OLFM1: variants seen among roughly 807,000 people sequenced by gnomAD.
OLFM1 encodes noelin.
In OLFM1, 9 loss-of-function variants were observed where a neutral mutation model predicts 49.7. The observed-to-expected ratio is 0.18, with a 90% CI of 0.11 to 0.32. The LOEUF (loss-of-function observed/expected upper bound fraction) is 0.32. Among genes scored for constraint, OLFM1 ranks in the 10% least tolerant of loss-of-function variants. The pLI, the probability that OLFM1 is intolerant of heterozygous loss-of-function variation, is 1.00. For missense variants in OLFM1, 369 were observed against 661.8 expected (o/e 0.56, Z 4.85); for synonymous variants, 240 against 271.8 (o/e 0.88, Z 1.15).
At chr9:135,090,627 C>T (rs1830672886) in intron 2 of OLFM1, among the ~76,000 whole-genome samples, 1 of 152,062 alleles carries the variant, frequency 6.6e-6, no homozygotes, top group African/African-American at 2.4e-5. Flanking sequence ...GAAGAGAGGA[C>T]TAGACCTGCC....
Position 135,075,709 on chromosome 9 carries a change from GC to G in OLFM1, c.5del (p.Pro2GlnfsTer24), listed in dbSNP as rs1468184843. 1.3e-6 allele frequency: 2 copies of G among 1,597,342 alleles called. No individual in the cohort carries two copies. Among genetic ancestry groups the G allele is most frequent in the Non-Finnish European group, 8.5e-7 (1 of 1,175,514 alleles). On this transcript the variant is annotated frameshift_variant, in exon 1 of 6. Coordinates refer to the OLFM1 transcript ENST00000252854. LOFTEE classifies it high-confidence loss of function. ...CCGGCCAGCACCCAGGGCCCTGCAT[GC>G]CAGGTCGTTGGAGGTGGCAGCGAGA...
At chr9:135,108,671 T>C (rs1476648202) in intron 5 of OLFM1, among the ~76,000 whole-genome samples, 1 of 151,644 alleles carries the variant, frequency 6.6e-6, no homozygotes, top group Non-Finnish European at 1.5e-5. Context: ...GTGTGTCCTG[T>C]GTGCAGGTGC....
chr9:135,101,452 C>A (rs1830869044), intron 4 of OLFM1, among the ~76,000 whole-genome samples: 1 of 152,228 alleles, frequency 6.6e-6, no homozygotes, highest in African/African-American at 2.4e-5. Context: ...CCAGAACATA[C>A]TCAGAAACAG....
In OLFM1 at chr9:135,120,692, C is replaced by G; in HGVS notation, c.*514C>G. 5.9e-6 allele frequency: 1 copy of G among 168,888 alleles called. No homozygotes were observed. Among genetic ancestry groups the G allele is most frequent in the Non-Finnish European group, 1.3e-5 (1 of 78,354 alleles). The allele number at this position is 168,888 out of a possible 1,614,324, so 10.5% of individuals were successfully genotyped here. On this transcript the variant is annotated 3_prime_UTR_variant, in exon 6 of 6. Coordinates refer to ENST00000371793, the MANE Select transcript of OLFM1 (RefSeq NM_001282611.2). ...TTAACCGTGCTGAGGCTCCACATAG[C>G]TCCTGGACCTGTGTCTAGTACATAC...
intron 5 of OLFM1, among the ~76,000 whole-genome samples, chr9:135,111,909 G>C (rs188788330): frequency 9.7e-4 from 148 of 152,270 alleles, no homozygotes; most frequent in Non-Finnish European, 1.6e-3. Context: ...TAGAGACAGG[G>C]TTTCACCACA....
At chr9:135,078,745 C>G (rs1025556333) in intron 1 of OLFM1, among the ~76,000 whole-genome samples, 7 of 152,318 alleles carry the variant, frequency 4.6e-5, no homozygotes, top group African/African-American at 1.7e-4. Flanking sequence ...CACCGCCACA[C>G]CCCCCAGGCT....
chr9:135,093,781 C>T (rs993807075), intron 2 of OLFM1, among the ~76,000 whole-genome samples: 7 of 152,110 alleles, frequency 4.6e-5, no homozygotes, highest in East Asian at 1.9e-4. Flanking sequence ...GAGATGGGTG[C>T]GTGATTGCAG....
Position 135,098,282 on chromosome 9 carries a change from G to A in OLFM1, c.457-4G>A. 6.2e-7 allele frequency: 1 copy of A among 1,613,374 alleles called. No homozygotes were observed. The highest frequency in any genetic ancestry group is 8.5e-7 in the Non-Finnish European group (1 of 1,179,752). ...CACTGAACCAGCTTATTTTAACCTTGCAGGCGATAAAAGCGAAAATGGATG... is the reference window on the plus strand; with the variant it reads ...CACTGAACCAGCTTATTTTAACCTTACAGGCGATAAAAGCGAAAATGGATG... On this transcript the variant is annotated splice_polypyrimidine_tract_variant and splice_region_variant and intron_variant, in intron 3 of 5. Transcript: ENST00000371793. This position sits in a 1 kb window ranked among gnomAD's most constrained non-coding sequence, Gnocchi z 5.6.
chr9:135,086,497 C>G (rs971564447), upstream of OLFM1: 1 of 389,952 alleles, frequency 2.6e-6, no homozygotes, highest in African/African-American at 2.1e-5. Flanking sequence ...GCCCGGCGTC[C>G]GTCTTTCAAA....
At chr9:135,100,134 C>G (rs1830851325) in intron 4 of OLFM1, among the ~76,000 whole-genome samples, 2 of 152,176 alleles carry the variant, frequency 1.3e-5, no homozygotes, top group African/African-American at 2.4e-5. Flanking sequence ...AGTGTCTTCC[C>G]TCCCTGGAAT....
chr9:135,098,296 C>T lies in OLFM1; in HGVS notation c.467C>T (p.Ala156Val), dbSNP rs752852516. Residue 156 changes from alanine to valine, a missense_variant, in exon 4 of 6, where the codon GCG (alanine) becomes GTG (valine). Transcript: ENST00000371793. The surrounding 1 kb of genome is among the most constrained non-coding windows in gnomAD (Gnocchi z 5.6). ...ATTTTAACCTTGCAGGCGATAAAAGCGAAAATGGATGAACTTAGGCCTTTG... is the reference window on the plus strand; with the variant it reads ...ATTTTAACCTTGCAGGCGATAAAAGTGAAAATGGATGAACTTAGGCCTTTG... ...HLARQFKAIK[A>V]KMDELRPLIP... The T allele has an allele frequency of 5.6e-6, 9 of 1,613,430 alleles. No homozygotes were observed. Among genetic ancestry groups the T allele is most frequent in the Middle Eastern group, 1.6e-4 (1 of 6,084 alleles).
chr9:135,113,618 G>A lies in OLFM1; in HGVS notation c.784-5886G>A, dbSNP rs2119139546. Among the ~76,000 whole-genome samples the A allele has an allele frequency of 6.6e-6, 1 of 152,286 alleles. No homozygotes were observed. On this transcript the variant is annotated intron_variant, in intron 5 of 5. Coordinates refer to ENST00000371793, the MANE Select transcript of OLFM1 (RefSeq NM_001282611.2). The surrounding 1 kb of genome is among the most constrained non-coding windows in gnomAD (Gnocchi z 4.0). ...GCATTAACAGGAGTCCAGCCACGTG[G>A]ACACCCCTCACTCTGTGGGATCCAC...
chr9:135,099,481 TA>T (rs201785935), intron 4 of OLFM1, among the ~76,000 whole-genome samples: 1 of 151,520 alleles, frequency 6.6e-6, no homozygotes, highest in Non-Finnish European at 1.5e-5. Context: ...AAGAACACTT[TA>T]AAAAAAAACC....
At chr9:135,087,198 C>A, upstream of OLFM1, 1 of 1,392,598 alleles carries the variant, frequency 7.2e-7, no homozygotes, top group South Asian at 1.6e-5. Flanking sequence ...AGTCTGGCTG[C>A]TTTTCGGAGC....
In OLFM1 at chr9:135,097,494, T is replaced by C. The variant is rs530563692; in HGVS notation, c.457-792T>C. ...GGGAGGTAGCTCATCTTGGCAAACG[T>C]TGTTGACACAGGCATCTCTCCGAGT... On this transcript the variant is annotated intron_variant, in intron 3 of 5. Transcript: ENST00000371793. 2.0e-5 allele frequency among the ~76,000 whole-genome samples: 3 copies of C among 152,300 alleles called. No homozygotes were observed. The South Asian group carries it at 6.2e-4, about 32-fold the overall frequency.
upstream of OLFM1, chr9:135,087,124 C>G: frequency 2.0e-6 from 2 of 1,012,916 alleles, no homozygotes; most frequent in Non-Finnish European, 2.7e-6. Flanking sequence ...GCCCTGGGAT[C>G]GCAGGGGCGC....
At chr9:135,075,902 C>T in intron 1 of OLFM1, 1 of 1,421,554 alleles carries the variant, frequency 7.0e-7, no homozygotes, top group Non-Finnish European at 9.3e-7. Flanking sequence ...CGCGCCGCCC[C>T]GCGCCCCCGG....
chr9:135,090,290 G>A lies in OLFM1; in HGVS notation c.246G>A (p.Gln82=). 6.2e-7 allele frequency: 1 copy of A among 1,614,112 alleles called. No individual in the cohort carries two copies. Among genetic ancestry groups the A allele is most frequent in the Non-Finnish European group, 8.5e-7 (1 of 1,180,038 alleles). The part of the protein sequence containing the change: ...RCICTVVAPQ[Q]TMCSRDARTK... ...TCTGCACAGTGGTCGCTCCACAGCA[G>A]ACCATGTGTTCACGGGATGCCCGCA... Residue 82 remains glutamine, a synonymous_variant, in exon 2 of 6, where the codon CAG becomes CAA. Coordinates refer to ENST00000371793, the MANE Select transcript of OLFM1 (RefSeq NM_001282611.2).
rs536937012 is a variant in OLFM1, at chr9:135,108,614, T to C, written c.783+1759T>C. Among the ~76,000 whole-genome samples the C allele has an allele frequency of 1.2e-4, 18 of 150,474 alleles. No individual in the cohort carries two copies. In the South Asian group the frequency reaches 3.8e-3, roughly 32 times the overall value. On this transcript the variant is annotated intron_variant, in intron 5 of 5. Coordinates refer to ENST00000371793, the MANE Select transcript of OLFM1 (RefSeq NM_001282611.2). ...TGCTACTGCACTCCAGCCTGGGTGA[T>C]AGAGCGAGGCTCTGTCTCAAAAAAA...
Sources: allele counts gnomAD v4.1 joint callset (sites outside exome capture counted in the v4.1 genomes callset), GRCh38; gene constraint gnomAD v4.1.1; non-coding constraint Gnocchi (gnomAD v3.1); transcripts MANE v1.5; gene names NCBI Gene and HGNC (gene_info 2026-07-23, HGNC 2026-07-21).